The following ZDHHC6 variants were observed in gnomAD, a reference collection of about 807,000 sequenced individuals.
The protein encoded by ZDHHC6 is palmitoyltransferase ZDHHC6.
In ZDHHC6, 32 loss-of-function variants were observed where a neutral mutation model predicts 57.8. That is an observed-to-expected ratio of 0.55 (90% CI 0.42 to 0.74). The LOEUF (loss-of-function observed/expected upper bound fraction) is 0.74, where lower values mean the gene tolerates loss of function less well. Among genes scored for constraint, ZDHHC6 ranks in the 30% least tolerant of loss-of-function variants. The pLI is 0.00. For missense variants in ZDHHC6, 433 were observed against 500.7 expected (o/e 0.86, Z 1.29); for synonymous variants, 128 against 158.0 (o/e 0.81, Z 1.42).
chr10:112,445,612 T>C lies in ZDHHC6; in HGVS notation c.-176A>G. 4.1e-6 allele frequency: 3 copies of C among 730,840 alleles called. No individual in the cohort carries two copies. The highest frequency in any genetic ancestry group is 6.5e-6 in the Non-Finnish European group (3 of 464,242). The allele number at this position is 730,840 out of a possible 1,614,324, so 45.3% of individuals were successfully genotyped here. A position where few individuals can be genotyped will look rare whatever the true frequency, so the allele number is the denominator to read the frequency against. On this transcript the variant is annotated 5_prime_UTR_variant, in exon 2 of 11. Coordinates refer to ENST00000369405, the MANE Select transcript of ZDHHC6 (RefSeq NM_022494.3). ...TGTCAGGCACCCAAAGCTCTTTATC[T>C]TAACTAGGAGAATCCAGTGTCTTGG...
chr10:112,447,426 A>G, upstream of ZDHHC6: 1 of 1,613,716 alleles, frequency 6.2e-7, no homozygotes, highest in Non-Finnish European at 8.5e-7. Context: ...CTCACTGCAG[A>G]GATCACCAGC....
At chr10:112,426,626 C>A (rs1228140479), downstream of ZDHHC6, 2 of 661,360 alleles carry the variant, frequency 3.0e-6, no homozygotes, top group East Asian at 5.4e-5. Flanking sequence ...GCCTTTTCTT[C>A]TCAGTTTTTC....
At chr10:112,447,490 C>T, upstream of ZDHHC6, 1 of 1,610,830 alleles carries the variant, frequency 6.2e-7, no homozygotes, top group Non-Finnish European at 8.5e-7. Flanking sequence ...CCCGGCTGGA[C>T]GAGGGTGCTG....
downstream of ZDHHC6, among the ~76,000 whole-genome samples, chr10:112,429,847 G>A (rs1248694885): frequency 6.6e-6 from 1 of 152,144 alleles, no homozygotes; most frequent in East Asian, 1.9e-4. Context: ...GCGGCAGGGC[G>A]CTGGTGTCAG....
At chr10:112,424,514 T>C (rs1356500045) in exon 12 of ZDHHC6, 3 of 152,232 alleles carry the variant, frequency 2.0e-5, no homozygotes, top group African/African-American at 2.4e-5. Flanking sequence ...AATAACACTC[T>C]AATAAGCCTA....
At chr10:112,433,146 C>G (rs1845191832) in intron 8 of ZDHHC6, 94 bp downstream of exon 8, 8 of 997,078 alleles carry the variant, frequency 8.0e-6, no homozygotes, top group Non-Finnish European at 9.9e-6. Flanking sequence ...TAAAGGCCAA[C>G]AATTGGTTTC....
At chr10:112,428,891 G>T (rs2133713820), downstream of ZDHHC6, among the ~76,000 whole-genome samples, 1 of 152,354 alleles carries the variant, frequency 6.6e-6, no homozygotes, top group Admixed American at 6.5e-5. Flanking sequence ...ACCCACAGAT[G>T]ATTCTAGTCT....
chr10:112,432,805 T>C (rs991790051), intron 8 of ZDHHC6, among the ~76,000 whole-genome samples: 5 of 152,240 alleles, frequency 3.3e-5, no homozygotes, highest in Admixed American at 6.5e-5. Flanking sequence ...GTTCTGTATG[T>C]GTAGTATCCA....
rs1299586681 is a variant in ZDHHC6, at chr10:112,442,354, A to T, written c.360-3T>A. On this transcript the variant is annotated splice_region_variant and splice_polypyrimidine_tract_variant and intron_variant, in intron 3 of 10. Coordinates refer to ENST00000369405, the MANE Select transcript of ZDHHC6 (RefSeq NM_022494.3). ...GATGGTCCATCTTCATCACACATCTAACAAGAAAAATTTACATAAAACATG... is the reference window on the plus strand; with the variant it reads ...GATGGTCCATCTTCATCACACATCTTACAAGAAAAATTTACATAAAACATG... 6.2e-7 allele frequency: 1 copy of T among 1,600,890 alleles called. No individual in the cohort carries two copies.
At chr10:112,428,087 T>G, downstream of ZDHHC6, 1 of 233,892 alleles carries the variant, frequency 4.3e-6, no homozygotes, top group Non-Finnish European at 8.2e-6. Flanking sequence ...GGGGAGTAAA[T>G]CTGTTCCCTA....
rs1017966870 is a variant in ZDHHC6 at position 112,430,731 on chromosome 10, A to G, written c.*73T>C. The G allele has an allele frequency of 2.2e-6, 3 of 1,359,412 alleles. No homozygotes were observed. Among genetic ancestry groups the G allele is most frequent in the Admixed American group, 3.8e-5 (2 of 52,458 alleles). 84.2% of individuals were successfully genotyped at this position (1,359,412 alleles called of 1,614,324 possible). On this transcript the variant is annotated 3_prime_UTR_variant, in exon 11 of 11. Transcript: ENST00000369405. ...ATCTTAACCAGAGTAGGCTCATTGC[A>G]TAATTCTTTAGTAATATGTACAATT... is the stretch of plus-strand genomic sequence containing the variant.
At chr10:112,436,507 T>C (rs76361219) in intron 6 of ZDHHC6, among the ~76,000 whole-genome samples, 5,591 of 152,234 alleles carry the variant, frequency 0.037, 329 homozygotes, top group African/African-American at 0.12. Context: ...ATAAAAGGTC[T>C]TACTTATGTA....
At position 112,434,354 on chromosome 10, in the gene ZDHHC6, A is replaced by G. The variant is rs767461262; in HGVS notation, c.846T>C (p.Pro282=). The G allele has an allele frequency of 2.5e-6, 4 of 1,613,846 alleles. No homozygotes were observed. Among genetic ancestry groups the G allele is most frequent in the Non-Finnish European group, 3.4e-6 (4 of 1,179,824 alleles). Residue 282 remains proline (P), a synonymous_variant, in exon 7 of 11, where the codon CCT becomes CCC. Coordinates refer to ENST00000369405, the MANE Select transcript of ZDHHC6 (RefSeq NM_022494.3). ...FKQVFTWSGV[P]EGDGLEWPVR... is the part of the protein sequence containing the mutation. ...CTGGCCACTCAAGTCCATCTCCTTC[A>G]GGGACCCCTGACCACGTAAATACCT...
Position 112,442,328 on chromosome 10 carries a change from T to C in ZDHHC6, c.383A>G (p.His128Arg), listed in dbSNP as rs756942508. 6.2e-7 allele frequency: 1 copy of C among 1,612,576 alleles called. No homozygotes were observed. Among genetic ancestry groups the C allele is most frequent in the African/African-American group, 1.3e-5 (1 of 74,878 alleles). Reference sequence around the variant, plus strand: ...ACAACAGTTGTTGATCCAAGGACAGTGATGGTCCATCTTCATCACACATCT... The same window carrying C: ...ACAACAGTTGTTGATCCAAGGACAGCGATGGTCCATCTTCATCACACATCT... ...CNRCVMKMDH[H>R]CPWINNCCGY... Residue 128 changes from histidine to arginine, a missense_variant, in exon 4 of 11, where the codon CAC (histidine) becomes CGC (arginine). By Grantham distance (29) the His-to-Arg change is conservative. Coordinates refer to ENST00000369405, the MANE Select transcript of ZDHHC6 (RefSeq NM_022494.3).
Position 112,445,596 on chromosome 10 carries a change from C to T in ZDHHC6, c.-160G>A. 1 of 827,956 alleles carries T rather than the reference C, an allele frequency of 1.2e-6. No individual in the cohort carries two copies. Among genetic ancestry groups the T allele is most frequent in the Non-Finnish European group, 1.8e-6 (1 of 551,144 alleles). 51.3% of individuals were successfully genotyped at this position (827,956 alleles called of 1,614,324 possible). A position where few individuals can be genotyped will look rare whatever the true frequency, so the allele number is the denominator to read the frequency against. On this transcript the variant is annotated 5_prime_UTR_variant, in exon 2 of 11. The change creates a new upstream start codon in the 5' untranslated region. Coordinates refer to ENST00000369405, the MANE Select transcript of ZDHHC6 (RefSeq NM_022494.3). ...ATTACACCATTTTCACTGTCAGGCA[C>T]CCAAAGCTCTTTATCTTAACTAGGA... is the stretch of plus-strand genomic sequence containing the variant.
intron 10 of ZDHHC6, among the ~76,000 whole-genome samples, chr10:112,431,806 G>A (rs1265324865): frequency 6.6e-6 from 1 of 152,086 alleles, no homozygotes; most frequent in African/African-American, 2.4e-5. Context: ...CAAAGTGGGG[G>A]CAGCAAATAG....
chr10:112,445,554 G>A lies in ZDHHC6; in HGVS notation c.-118C>T. 2.5e-6 allele frequency: 3 copies of A among 1,215,338 alleles called. No homozygotes were observed. The highest frequency in any genetic ancestry group is 3.4e-6 in the Non-Finnish European group (3 of 883,824). 75.3% of individuals were successfully genotyped at this position (1,215,338 alleles called of 1,614,324 possible). ...TCTTTAATTGTCATGCCTTCAAGCT[G>A]TGAACTGTTAACGCAGATTACACCA... On this transcript the variant is annotated 5_prime_UTR_variant, in exon 2 of 11. Transcript: ENST00000369405.
In ZDHHC6 at chr10:112,432,444, A is replaced by G. The variant is rs2133766784; in HGVS notation, c.1023T>C (p.Ser341=). 1.2e-6 allele frequency: 2 copies of G among 1,614,194 alleles called. No individual in the cohort carries two copies. The highest frequency in any genetic ancestry group is 2.2e-5 in the South Asian group (2 of 91,070). Reference sequence around the variant, plus strand: ...GTATTCGAGGCTCTTCGGTGCAGGGACTTGTGAAGAAGGTTTTGATTCCTT... The same window carrying G: ...GTATTCGAGGCTCTTCGGTGCAGGGGCTTGTGAAGAAGGTTTTGATTCCTT... ...LNKGIKTFFT[S]PCTEEPRIQL... The change falls in exon 9 of 11, where the codon AGT becomes AGC. Residue 341 remains serine (S), a synonymous_variant. Transcript: ENST00000369405.
upstream of ZDHHC6, chr10:112,447,203 C>G (rs1021000394): frequency 9.8e-6 from 6 of 613,508 alleles, no homozygotes; most frequent in African/African-American, 1.8e-5. Flanking sequence ...TCCGGAGAAC[C>G]GAGATTGCGA....
Sources: gnomAD v4.1 joint callset for allele counts (sites outside exome capture counted in the v4.1 genomes callset) on GRCh38, gnomAD v4.1.1 for gene constraint, MANE v1.5 for transcripts, NCBI Gene and HGNC (gene_info 2026-07-23, HGNC 2026-07-21) for gene names.